SGCD: variants seen among roughly 807,000 people sequenced by gnomAD.
The protein encoded by SGCD is sarcoglycan delta, also known as delta-sarcoglycan.
In SGCD, 18 loss-of-function variants were observed where a neutral mutation model predicts 36.6. The observed-to-expected ratio is 0.49, with a 90% confidence interval of 0.34 to 0.73. SGCD has a LOEUF of 0.73. Ranked by LOEUF, SGCD falls within the 30% of genes least tolerant of loss-of-function variation. The pLI, the probability that SGCD is intolerant of heterozygous loss-of-function variation, is 0.01. For missense variants in SGCD, 387 were observed against 346.7 expected (o/e 1.12, Z -0.92); for synonymous variants, 133 against 130.6 (o/e 1.02, Z -0.12).
At position 156,230,976 on chromosome 5, in the gene SGCD, C is replaced by T. The variant is rs144358689; in HGVS notation, c.-43-98558C>T. ...TGCCTAAAGTATTTCATCTTCTCAA[C>T]GTTAAGGATACACAAAAAGCAAATA... On this transcript the variant is annotated intron_variant, in intron 3 of 9. Coordinates refer to the SGCD transcript ENST00000517913. 5.3e-5 allele frequency among the ~76,000 whole-genome samples: 8 copies of T among 152,028 alleles called. No homozygotes were observed. The East Asian group carries it at 5.8e-4, about 11-fold the overall frequency.
chr5:156,757,607 T>A lies in SGCD; in HGVS notation c.602T>A (p.Val201Glu). The part of the protein sequence containing the change: ...LRLESPTRSL[V>E]MEAPKGVEIN... ...TTGGAGTCCCCAACCCGGTCTCTAGTGATGGAGGCCCCAAAAGGAGTGGAA... is the reference window on the plus strand; with the variant it reads ...TTGGAGTCCCCAACCCGGTCTCTAGAGATGGAGGCCCCAAAAGGAGTGGAA... The change falls in exon 8 of 9, where the codon GTG becomes GAG. Residue 201 changes from valine to glutamate, a missense_variant. Transcript: ENST00000337851. 1.2e-6 allele frequency: 2 copies of A among 1,611,150 alleles called. No homozygotes were observed. The highest frequency in any genetic ancestry group is 1.7e-6 in the Non-Finnish European group (2 of 1,178,568).
chr5:156,574,198 T>C (rs2113301344), intron 4 of SGCD, among the ~76,000 whole-genome samples: 1 of 152,328 alleles, frequency 6.6e-6, no homozygotes, highest in South Asian at 2.1e-4. Context: ...GGTCAGGTTC[T>C]AGTTCCAGCC....
chr5:156,208,016 T>A (rs1313811788), intron 3 of SGCD, among the ~76,000 whole-genome samples: 1 of 152,168 alleles, frequency 6.6e-6, no homozygotes, highest in Non-Finnish European at 1.5e-5. Flanking sequence ...CAATTTACCA[T>A]TATCAATAAG....
chr5:155,982,123 G>A (rs1010916668), intron 1 of SGCD, among the ~76,000 whole-genome samples: 24 of 152,256 alleles, frequency 1.6e-4, no homozygotes, highest in African/African-American at 5.3e-4. Flanking sequence ...CCTTGACCTT[G>A]TGTGTGTCTC....
In SGCD at chr5:155,911,942, T is replaced by C. The variant is rs1422088190; in HGVS notation, c.-282+41518T>C. On this transcript the variant is annotated intron_variant, in intron 1 of 9. Transcript: ENST00000517913. ...CTCTCTCTAAAGGAGTGGCCCCAAT[T>C]TGGGAGGCTGGAAAACCTTCACCAC... Among the ~76,000 whole-genome samples the C allele has an allele frequency of 2.6e-5, 4 of 152,082 alleles. No individual in the cohort carries two copies. In the East Asian group the frequency reaches 7.7e-4, roughly 29 times the overall value.
the SGCD span, among the ~76,000 whole-genome samples, chr5:155,728,482 T>C: frequency 6.6e-6 from 1 of 152,166 alleles, no homozygotes; most frequent in Admixed American, 6.5e-5. Flanking sequence ...TGAAGCGAGC[T>C]GGGCTGTGAG....
chr5:156,172,832 G>A (rs1305245799), intron 3 of SGCD, among the ~76,000 whole-genome samples: 1 of 149,192 alleles, frequency 6.7e-6, no homozygotes, highest in South Asian at 2.1e-4. Context: ...GGAATCTTTA[G>A]CATGTATTCG....
chr5:156,171,815 T>C (rs749743869), intron 3 of SGCD, among the ~76,000 whole-genome samples: 20 of 152,240 alleles, frequency 1.3e-4, no homozygotes, highest in Non-Finnish European at 2.8e-4. Context: ...AGTGGCAATG[T>C]CCCAGGGCAC....
chr5:156,753,468 C>T (rs938679308), intron 7 of SGCD, among the ~76,000 whole-genome samples: 13 of 152,314 alleles, frequency 8.5e-5, no homozygotes, highest in African/African-American at 9.6e-5. Context: ...CAGAGGTTGA[C>T]GGACATCACT....
At chr5:156,061,084 A>C (rs1360009508) in intron 1 of SGCD, among the ~76,000 whole-genome samples, 2 of 145,766 alleles carry the variant, frequency 1.4e-5, no homozygotes, top group Non-Finnish European at 3.1e-5. Flanking sequence ...TCTATTCAAG[A>C]CTTTATCCTT....
chr5:156,013,619 A>G (rs1460266588), intron 1 of SGCD, among the ~76,000 whole-genome samples: 1 of 152,128 alleles, frequency 6.6e-6, no homozygotes, highest in Non-Finnish European at 1.5e-5. Flanking sequence ...GTCTTCAGGA[A>G]TTCGTAGACC....
At chr5:156,079,904 T>A (rs1019017998) in intron 1 of SGCD, among the ~76,000 whole-genome samples, 2 of 152,188 alleles carry the variant, frequency 1.3e-5, no homozygotes, top group African/African-American at 4.8e-5. Flanking sequence ...CACTACACAG[T>A]GCCCACTGTG....
At chr5:156,521,802 C>G (rs1000128625) in intron 4 of SGCD, among the ~76,000 whole-genome samples, 4 of 152,244 alleles carry the variant, frequency 2.6e-5, no homozygotes, top group African/African-American at 9.6e-5. Flanking sequence ...CCTCAAAGAC[C>G]TGGAACTAAA....
chr5:156,231,926 C>G (rs1408185953), intron 3 of SGCD, among the ~76,000 whole-genome samples: 2 of 152,176 alleles, frequency 1.3e-5, no homozygotes, highest in Admixed American at 6.6e-5. Flanking sequence ...GTATTCCTGC[C>G]TTTCCTTGAC....
chr5:156,259,329 T>C (rs1341549182), intron 3 of SGCD, among the ~76,000 whole-genome samples: 4 of 151,992 alleles, frequency 2.6e-5, no homozygotes, highest in African/African-American at 9.7e-5. Context: ...TTTTATTATT[T>C]TGTAGAGTTT....
At chr5:156,399,061 T>A (rs1350095268) in intron 3 of SGCD, among the ~76,000 whole-genome samples, 1 of 152,230 alleles carries the variant, frequency 6.6e-6, no homozygotes, top group Non-Finnish European at 1.5e-5. Flanking sequence ...TGAGTTTTCA[T>A]GTGATTTAAA....
At chr5:156,614,542 G>T (rs183614618) in intron 6 of SGCD, among the ~76,000 whole-genome samples, 1 of 152,128 alleles carries the variant, frequency 6.6e-6, no homozygotes, top group Non-Finnish European at 1.5e-5. Flanking sequence ...CTGACCATTC[G>T]CTGATCCCTT....
At chr5:155,858,118 T>A in the SGCD span, among the ~76,000 whole-genome samples, 974 of 152,342 alleles carry the variant, frequency 6.4e-3, 7 homozygotes, top group African/African-American at 0.023. Context: ...TATATGTATA[T>A]GTAAGCTATT....
chr5:156,727,520 C>G (rs776305849), intron 7 of SGCD, among the ~76,000 whole-genome samples: 2 of 152,148 alleles, frequency 1.3e-5, no homozygotes, highest in Non-Finnish European at 2.9e-5. Context: ...TGAAGAATAC[C>G]TAGGTTCTTA....
Sources: gnomAD v4.1 joint callset for allele counts (sites outside exome capture counted in the v4.1 genomes callset) on GRCh38, gnomAD v4.1.1 for gene constraint, MANE v1.5 for transcripts, NCBI Gene and HGNC (gene_info 2026-07-23, HGNC 2026-07-21) for gene names.